Variants in ITPR3 observed in about 807,000 individuals in gnomAD.
ITPR3 encodes inositol 1,4,5-trisphosphate-gated calcium channel ITPR3.
A neutral mutation model predicts 293.2 loss-of-function variants in ITPR3; 173 were observed. That is an observed-to-expected ratio of 0.59 (90% CI 0.52 to 0.67). ITPR3 has a LOEUF of 0.67. Ranked by LOEUF, ITPR3 falls within the 30% of genes least tolerant of loss-of-function variation. The probability of loss-of-function intolerance (pLI) is 0.00; values close to 1 mark genes in which losing one functional copy is unlikely to be tolerated. For missense variants in ITPR3, 2,796 were observed against 3,592.1 expected (o/e 0.78, Z 5.66); for synonymous variants, 1,295 against 1,444.4 (o/e 0.90, Z 2.35).
At position 33,666,892 on chromosome 6, in the gene ITPR3, A is replaced by C. The variant is rs945294195; in HGVS notation, c.1552-237A>C. Reference sequence around the variant, plus strand: ...GGCCCCAGATCTGAGCTGGGATTAGAATCCGCATCAGGGAGGGATAGGCTG... The same window carrying C: ...GGCCCCAGATCTGAGCTGGGATTAGCATCCGCATCAGGGAGGGATAGGCTG... On this transcript the variant is annotated intron_variant, in intron 14 of 57. Coordinates refer to ENST00000605930, the MANE Select transcript of ITPR3 (RefSeq NM_002224.4). The surrounding 1 kb of genome is among the most constrained non-coding windows in gnomAD (Gnocchi z 5.1). Among the ~76,000 whole-genome samples, 15 of 152,132 alleles carry C rather than the reference A, an allele frequency of 9.9e-5. No individual in the cohort carries two copies. The highest frequency in any genetic ancestry group is 3.4e-4 in the African/African-American group (14 of 41,406).
At position 33,665,303 on chromosome 6, in the gene ITPR3, G is replaced by A. The variant is rs1171849269; in HGVS notation, c.1409+90G>A. 8.7e-6 allele frequency: 13 copies of A among 1,499,956 alleles called. No individual in the cohort carries two copies. The Admixed American group carries it at 1.5e-4, about 18-fold the overall frequency. 92.9% of individuals were successfully genotyped at this position (1,499,956 alleles called of 1,614,324 possible). The stretch of plus-strand genomic sequence containing the variant: ...AGAAAGGAGTCATGAAGCAGAAGCT[G>A]GGCAAACTGGGGAGAGAGTAGGGGA... On this transcript the variant is annotated intron_variant, in intron 13 of 57. Coordinates refer to ENST00000605930, the MANE Select transcript of ITPR3 (RefSeq NM_002224.4).
rs551964780 is a variant in ITPR3 at position 33,654,139 on chromosome 6, A to G, written c.161-1627A>G. 1.3e-5 allele frequency among the ~76,000 whole-genome samples: 2 copies of G among 152,250 alleles called. No individual in the cohort carries two copies. The highest frequency in any genetic ancestry group is 4.8e-5 in the African/African-American group (2 of 41,556). ...AAAAATTAGCCAGGCATGGTGGTGC[A>G]TGCCTGTAATCCCAGCTACTTGGGA... On this transcript the variant is annotated intron_variant, in intron 2 of 57. Coordinates refer to ENST00000605930, the MANE Select transcript of ITPR3 (RefSeq NM_002224.4). The surrounding 1 kb of genome is among the most constrained non-coding windows in gnomAD (Gnocchi z 4.1).
Position 33,685,497 on chromosome 6 carries a change from CAT to C in ITPR3, c.5447_5448del (p.His1816ArgfsTer46). 1.2e-6 allele frequency: 2 copies of C among 1,613,196 alleles called. No homozygotes were observed. The highest frequency in any genetic ancestry group is 1.7e-6 in the Non-Finnish European group (2 of 1,179,756). ...VNMNDLGSQP[H>X]EDREPVDPTT... ...CATGAATGACCTGGGCAGCCAGCCACATGAGGACCGCGAGCCAGTCGACCCCA... is the reference window on the plus strand; with the variant it reads ...CATGAATGACCTGGGCAGCCAGCCACGAGGACCGCGAGCCAGTCGACCCCA... On this transcript the variant is annotated frameshift_variant, in exon 40 of 58. Transcript: ENST00000605930. LOFTEE classifies it high-confidence loss of function.
At chr6:33,643,257 C>T (rs1293200141) in intron 2 of ITPR3, among the ~76,000 whole-genome samples, 2 of 152,120 alleles carry the variant, frequency 1.3e-5, no homozygotes, top group African/African-American at 4.8e-5. Context: ...CTGGCCATTG[C>T]TGGGACTCCC....
intron 2 of ITPR3, among the ~76,000 whole-genome samples, chr6:33,650,043 G>T (rs1764152051): frequency 6.6e-6 from 1 of 152,174 alleles, no homozygotes; most frequent in Admixed American, 6.5e-5. Flanking sequence ...CACACCCCGG[G>T]ACACACAATC....
rs773222392 is a variant in ITPR3 at position 33,686,485 on chromosome 6, G to A, written c.5945G>A (p.Cys1982Tyr). The change falls in exon 43 of 58, where the codon TGC becomes TAC. Residue 1982 changes from cysteine to tyrosine, a missense_variant. Physicochemically the swap from Cys to Tyr is radical, Grantham distance 194. Transcript: ENST00000605930. ...ALILNDISPL[C>Y]KYRMDLVLQL... is the part of the protein sequence containing the mutation. ...ATCCTCAATGACATCAGCCCCCTGT[G>A]CAAGTACCGCATGGATCTGGTGCTG... 1 of 1,614,230 alleles carries A rather than the reference G, an allele frequency of 6.2e-7. No homozygotes were observed. The highest frequency in any genetic ancestry group is 8.5e-7 in the Non-Finnish European group (1 of 1,180,028).
chr6:33,653,721 G>A (rs910510070), intron 2 of ITPR3, among the ~76,000 whole-genome samples: 28 of 152,198 alleles, frequency 1.8e-4, no homozygotes, highest in African/African-American at 5.6e-4. Flanking sequence ...TGGTGCAGGC[G>A]TCCAGCAACC....
rs746091629 is a variant in ITPR3, at chr6:33,680,168, A to G, written c.4224+35A>G. 18 of 1,604,072 alleles carry G rather than the reference A, an allele frequency of 1.1e-5. No individual in the cohort carries two copies. The Admixed American group carries it at 2.8e-4, about 25-fold the overall frequency. On this transcript the variant is annotated intron_variant, in intron 31 of 57. Coordinates refer to ENST00000605930, the MANE Select transcript of ITPR3 (RefSeq NM_002224.4). ...GGGAGACTGGGCAAGACGGCTGGAG[A>G]TGGGGCGAAGGGGTGGGTAAAGCCA...
intron 23 of ITPR3, 98 bp downstream of exon 23, chr6:33,673,818 T>A: frequency 7.1e-7 from 1 of 1,406,616 alleles, no homozygotes; most frequent in Non-Finnish European, 9.7e-7. Flanking sequence ...CTCCTTTTTC[T>A]AGTCTGCAAA....
In ITPR3 at chr6:33,685,504, A is replaced by T; in HGVS notation, c.5453A>T (p.Asp1818Val). Reference protein sequence around the residue: ...MNDLGSQPHEDREPVDPTTKG... With the variant: ...MNDLGSQPHEVREPVDPTTKG... The stretch of plus-strand genomic sequence containing the variant: ...GACCTGGGCAGCCAGCCACATGAGG[A>T]CCGCGAGCCAGTCGACCCCACCACC... Residue 1818 changes from aspartate (D) to valine (V), a missense_variant, in exon 40 of 58, where the codon GAC (aspartate) becomes GTC (valine). By Grantham distance (152) the Asp-to-Val change is radical. Coordinates refer to ENST00000605930, the MANE Select transcript of ITPR3 (RefSeq NM_002224.4). 1 of 1,612,152 alleles carries T rather than the reference A, an allele frequency of 6.2e-7. No individual in the cohort carries two copies. Among genetic ancestry groups the T allele is most frequent in the Admixed American group, 1.7e-5 (1 of 59,814 alleles).
Position 33,685,827 on chromosome 6 carries a change from GGTGA to G in ITPR3, c.5667+4_5667+7del, listed in dbSNP as rs1336650014. ...GTGAGAACCACAACCGGGACCTGCA[GGTGA>G]GTGCCTCGCCACACACCTGCCCCTT... On this transcript the variant is annotated splice_donor_variant and splice_donor_region_variant and intron_variant, in intron 41 of 57. Coordinates refer to ENST00000605930, the MANE Select transcript of ITPR3 (RefSeq NM_002224.4). LOFTEE classifies it high-confidence loss of function. 1 of 1,563,278 alleles carries G rather than the reference GGTGA, an allele frequency of 6.4e-7. No individual in the cohort carries two copies. Among genetic ancestry groups the G allele is most frequent in the South Asian group, 1.2e-5 (1 of 83,678 alleles).
rs1304467980 is a variant in ITPR3 at position 33,655,384 on chromosome 6, A to G, written c.161-382A>G. 2.0e-5 allele frequency among the ~76,000 whole-genome samples: 3 copies of G among 152,176 alleles called. No individual in the cohort carries two copies. On this transcript the variant is annotated intron_variant, in intron 2 of 57. Coordinates refer to ENST00000605930, the MANE Select transcript of ITPR3 (RefSeq NM_002224.4). The surrounding 1 kb of genome is among the most constrained non-coding windows in gnomAD (Gnocchi z 4.9). ...GGCATCTGTGTGCAAGATGGTTTCC[A>G]TCAGCCAAGGCAATTAGCTAAAGAG...
intron 1 of ITPR3, among the ~76,000 whole-genome samples, chr6:33,634,118 G>A (rs1763760097): frequency 6.6e-6 from 1 of 152,126 alleles, no homozygotes. Flanking sequence ...CTCCCCTGTC[G>A]CCAGAGATCA....
intron 56 of ITPR3, chr6:33,694,698 CGGAAG>C: frequency 1.8e-6 from 1 of 550,654 alleles, no homozygotes; most frequent in Admixed American, 3.4e-5. Flanking sequence ...CGCTGCCTAA[CGGAAG>C]TCAGCCTGTC....
chr6:33,636,687 C>T (rs531186612), intron 1 of ITPR3, among the ~76,000 whole-genome samples: 69 of 151,942 alleles, frequency 4.5e-4, no homozygotes, highest in African/African-American at 1.6e-3. Context: ...GCTGAGTTTG[C>T]GATGTCTGTG....
intron 2 of ITPR3, among the ~76,000 whole-genome samples, chr6:33,647,905 G>A (rs768384168): frequency 1.3e-5 from 2 of 152,022 alleles, no homozygotes; most frequent in Admixed American, 6.6e-5. Context: ...GGCAGAGGGC[G>A]GGAGCTCGGT....
chr6:33,685,329 G>GCT (rs1449622899), intron 39 of ITPR3, 30 bp from the exon 40 acceptor site: 1 of 1,593,100 alleles, frequency 6.3e-7, no homozygotes, highest in Non-Finnish European at 8.6e-7. Flanking sequence ...CCAGTGCTGA[G>GCT]GTTGTTCCCT....
Position 33,667,070 on chromosome 6 carries a change from T to A in ITPR3, c.1552-59T>A, listed in dbSNP as rs2127276917. On this transcript the variant is annotated intron_variant, in intron 14 of 57. Transcript: ENST00000605930. The surrounding 1 kb of genome is among the most constrained non-coding windows in gnomAD (Gnocchi z 4.4). ...TGGGACTCAGGGATGACTCCTGGGA[T>A]GACTTAGGGGTACAGACAGGTGTTG... The A allele has an allele frequency of 6.3e-7, 1 of 1,578,026 alleles. No homozygotes were observed. Among genetic ancestry groups the A allele is most frequent in the East Asian group, 2.3e-5 (1 of 44,408 alleles).
In ITPR3 at chr6:33,692,766, GTTC is replaced by G. The variant is rs780206363; in HGVS notation, c.7504_7506del (p.Phe2502del). 8.0e-5 allele frequency: 129 copies of G among 1,614,104 alleles called. 2 individuals carry two copies. Among genetic ancestry groups the G allele is most frequent in the South Asian group, 5.9e-4 (54 of 91,072 alleles). On this transcript the variant is annotated inframe_deletion, in exon 55 of 58. Transcript: ENST00000605930. The surrounding 1 kb of genome is among the most constrained non-coding windows in gnomAD (Gnocchi z 4.2). Reference sequence around the variant, plus strand: ...CAGCCCGAGTGGTCTATGACCTCCTGTTCTTCTTCATCGTCATCATCATTGTGC... The same window carrying G: ...CAGCCCGAGTGGTCTATGACCTCCTGTTCTTCATCGTCATCATCATTGTGC...
Sources: gnomAD v4.1 joint callset for allele counts (sites outside exome capture counted in the v4.1 genomes callset) on GRCh38, gnomAD v4.1.1 for gene constraint, Gnocchi (gnomAD v3.1) non-coding constraint, MANE v1.5 for transcripts, NCBI Gene and HGNC (gene_info 2026-07-23, HGNC 2026-07-21) for gene names.